The following SYNJ2 variants were observed in gnomAD, a reference collection of about 807,000 sequenced individuals.
SYNJ2 encodes polyphosphatidylinositol phosphatase SYNJ2.
In SYNJ2, 116 loss-of-function variants were observed where a neutral mutation model predicts 141.3. The observed-to-expected ratio is 0.82, with a 90% CI of 0.71 to 0.96. The LOEUF (loss-of-function observed/expected upper bound fraction) is 0.96. SYNJ2 is among the 40% of genes least tolerant of loss of function. The pLI, the probability that SYNJ2 is intolerant of heterozygous loss-of-function variation, is 0.00. For missense variants in SYNJ2, 1,873 were observed against 1,934.8 expected (o/e 0.97, Z 0.60); for synonymous variants, 745 against 777.7 (o/e 0.96, Z 0.70).
In SYNJ2 at chr6:158,028,865, G is replaced by C. The variant is rs1041654317; in HGVS notation, c.324G>C (p.Gln108His). ...CTGCCACTGACTTTTACCCTCTTCAGGAAGAGGCCAAGGAGGAGGAACGCC... is the reference window on the plus strand; with the variant it reads ...CTGCCACTGACTTTTACCCTCTTCACGAAGAGGCCAAGGAGGAGGAACGCC... ...KITATDFYPL[Q>H]EEAKEEERLI... The change falls in exon 3 of 27, where the codon CAG (glutamine) becomes CAC (histidine). Residue 108 changes from glutamine (Q) to histidine (H), a missense_variant. By Grantham distance (24) the Gln-to-His change is conservative. Coordinates refer to ENST00000355585, the MANE Select transcript of SYNJ2 (RefSeq NM_003898.4). 2.5e-6 allele frequency: 4 copies of C among 1,614,082 alleles called. No individual in the cohort carries two copies. The African/African-American group carries it at 5.3e-5, about 22-fold the overall frequency.
chr6:158,074,846 T>G (rs1782167405), intron 16 of SYNJ2, 108 bp downstream of exon 16: 1 of 1,324,712 alleles, frequency 7.5e-7, no homozygotes, highest in Non-Finnish European at 1.0e-6. Flanking sequence ...TGGATTTCAC[T>G]GTTTCCAACA....
chr6:158,062,088 A>G lies in SYNJ2; in HGVS notation c.1051A>G (p.Thr351Ala), dbSNP rs1781257050. 4 of 1,614,080 alleles carry G rather than the reference A, an allele frequency of 2.5e-6. No homozygotes were observed. Among genetic ancestry groups the G allele is most frequent in the South Asian group, 1.1e-5 (1 of 91,076 alleles). ...AGGTGGGAAGCTAGAGAAATTGGAG[A>G]CCCTCTTGAGGCCACAGTTAAAGCT... ...AKGGKLEKLE[T>A]LLRPQLKLHW... Residue 351 changes from threonine (T) to alanine (A), a missense_variant, in exon 8 of 27, where the codon ACC (threonine) becomes GCC (alanine). Physicochemically the swap from Thr to Ala is moderately conservative, Grantham distance 58 (BLOSUM62 0). Coordinates refer to ENST00000355585, the MANE Select transcript of SYNJ2 (RefSeq NM_003898.4).
intron 1 of SYNJ2, chr6:158,002,411 G>A (rs1777898063): frequency 6.6e-6 from 1 of 152,346 alleles, no homozygotes; most frequent in Non-Finnish European, 1.5e-5. Context: ...GCCCTGAGGT[G>A]GGAGGAGCCT....
intron 1 of SYNJ2, among the ~76,000 whole-genome samples, chr6:158,012,030 A>G (rs1388676367): frequency 6.6e-6 from 1 of 152,160 alleles, no homozygotes; most frequent in Non-Finnish European, 1.5e-5. Context: ...GGGGGAAGAC[A>G]TTTGGCAATG....
intron 1 of SYNJ2, among the ~76,000 whole-genome samples, chr6:158,003,794 G>A (rs1390277320): frequency 6.6e-6 from 1 of 152,010 alleles, no homozygotes; most frequent in African/African-American, 2.4e-5. Context: ...GCCTCGGGAT[G>A]GTCTGACCCA....
chr6:158,053,816 C>T (rs1780705676), intron 5 of SYNJ2, among the ~76,000 whole-genome samples: 1 of 149,972 alleles, frequency 6.7e-6, no homozygotes, highest in South Asian at 2.2e-4. Flanking sequence ...CATCTTTCAT[C>T]TACCCATTCA....
rs187235595 is a variant in SYNJ2, at chr6:158,096,940, A to T, written c.*576A>T. 16 of 153,482 alleles carry T rather than the reference A, an allele frequency of 1.0e-4. No individual in the cohort carries two copies. The highest frequency in any genetic ancestry group is 3.8e-4 in the African/African-American group (16 of 41,590). 9.5% of individuals were successfully genotyped at this position (153,482 alleles called of 1,614,324 possible). A position where few individuals can be genotyped will look rare whatever the true frequency, so the allele number is the denominator to read the frequency against. ...ACATTCCCATGAGCCTTCATGTTTA[A>T]GTGTGTACATGTGCGTTAACCTTGA... On this transcript the variant is annotated 3_prime_UTR_variant, in exon 27 of 27. Transcript: ENST00000355585.
Position 158,033,458 on chromosome 6 carries a change from C to T in SYNJ2, c.489C>T (p.Asn163=), listed in dbSNP as rs1779476867. Residue 163 remains asparagine, a synonymous_variant, in exon 4 of 27, where the codon AAC becomes AAT. Coordinates refer to ENST00000355585, the MANE Select transcript of SYNJ2 (RefSeq NM_003898.4). ...GGTGTGGGACTGTGTTTTGCAGGAA[C>T]CAGCTGTTGCACGTGCCCTTGAGGC... The part of the protein sequence containing the change: ...SSEWGNSFFW[N]QLLHVPLRQH... The T allele has an allele frequency of 3.1e-6, 5 of 1,613,922 alleles. No homozygotes were observed. The highest frequency in any genetic ancestry group is 1.3e-5 in the African/African-American group (1 of 75,070).
chr6:157,998,590 A>G (rs529890932), intron 1 of SYNJ2, among the ~76,000 whole-genome samples: 155 of 152,326 alleles, frequency 1.0e-3, no homozygotes, highest in Non-Finnish European at 2.0e-3. Context: ...TGAGAGTCCT[A>G]TGTTTTATCA....
At chr6:158,056,334 G>C (rs1259562258) in intron 6 of SYNJ2, among the ~76,000 whole-genome samples, 3 of 152,132 alleles carry the variant, frequency 2.0e-5, no homozygotes, top group African/African-American at 7.2e-5. Context: ...AGGCTGCCTT[G>C]CCCCTTGGAA....
In SYNJ2 at chr6:158,081,193, C is replaced by T; in HGVS notation, c.2652C>T (p.Phe884=). The part of the protein sequence containing the change: ...RERVFQEVSS[F]QGPLDATVVV... Reference sequence around the variant, plus strand: ...GGGTTTTCCAGGAAGTGTCCTCCTTCCAGGGCCCCCTGGATGCCACTGTTG... The same window carrying T: ...GGGTTTTCCAGGAAGTGTCCTCCTTTCAGGGCCCCCTGGATGCCACTGTTG... The change falls in exon 19 of 27, where the codon TTC becomes TTT. Residue 884 remains phenylalanine, a synonymous_variant. Transcript: ENST00000355585. The T allele has an allele frequency of 6.2e-7, 1 of 1,614,154 alleles. No individual in the cohort carries two copies. Among genetic ancestry groups the T allele is most frequent in the South Asian group, 1.1e-5 (1 of 91,088 alleles).
intron 7 of SYNJ2, among the ~76,000 whole-genome samples, chr6:158,060,395 C>T (rs1396672386): frequency 6.6e-6 from 1 of 152,176 alleles, no homozygotes; most frequent in Non-Finnish European, 1.5e-5. Context: ...CAAGGGGGCT[C>T]CTGGTTCCTT....
chr6:158,089,903 A>C lies in SYNJ2; in HGVS notation c.3521A>C (p.Gln1174Pro). ...NVKQIKTTNA[Q>P]EAEAAIRCLL... ...AAGCAGATCAAAACCACCAATGCCC[A>C]GGAGGCAGAAGCAGCAATCCGGTGT... The change falls in exon 25 of 27, where the codon CAG (glutamine) becomes CCG (proline). Residue 1174 changes from glutamine to proline, a missense_variant. Transcript: ENST00000355585. 1 of 1,614,198 alleles carries C rather than the reference A, an allele frequency of 6.2e-7. No homozygotes were observed.
At chr6:158,063,660 A>C (rs1454642048) in intron 8 of SYNJ2, 131 bp from the exon 9 acceptor site, 4 of 92,590 alleles carry the variant, frequency 4.3e-5, no homozygotes, top group Middle Eastern at 1.9e-3. Context: ...ACTCTGTCTC[A>C]AAAAAAAAAA....
In SYNJ2 at chr6:158,071,386, T is replaced by C. The variant is rs1027104579; in HGVS notation, c.1941-216T>C. ...TCAAGTGAGCACTTCCCAGTTGGGG[T>C]GTGGGGGAGATGTCCAGGCAGCGGT... is the stretch of plus-strand genomic sequence containing the variant. On this transcript the variant is annotated intron_variant, in intron 14 of 26. Transcript: ENST00000355585. The surrounding 1 kb of genome is among the most constrained non-coding windows in gnomAD (Gnocchi z 4.3). Among the ~76,000 whole-genome samples, 3 of 151,348 alleles carry C rather than the reference T, an allele frequency of 2.0e-5. No homozygotes were observed. Among genetic ancestry groups the C allele is most frequent in the Non-Finnish European group, 2.9e-5 (2 of 67,876 alleles).
intron 25 of SYNJ2, among the ~76,000 whole-genome samples, chr6:158,092,439 G>A (rs149487768): frequency 6.2e-4 from 94 of 152,222 alleles, no homozygotes; most frequent in African/African-American, 2.0e-3. Context: ...CCAGGAGTTC[G>A]AGACAAGTCT....
chr6:158,029,394 C>CAAAAAAAAAAAAAAA (rs59043421), intron 3 of SYNJ2: 1 of 92,618 alleles, frequency 1.1e-5, no homozygotes, highest in African/African-American at 3.8e-5. Flanking sequence ...ACTAAAAATA[C>CAAAAAAAAAAAAAAA]AAAAAAAAAA....
chr6:158,023,126 T>C (rs777834101), intron 2 of SYNJ2, among the ~76,000 whole-genome samples: 5 of 151,758 alleles, frequency 3.3e-5, no homozygotes, highest in Non-Finnish European at 7.4e-5. Flanking sequence ...GGAGCGGTGG[T>C]GCACGCCTGT....
rs1783899469 is a variant in SYNJ2 at position 158,098,473 on chromosome 6, A to T, written c.*2109A>T. ...TTATTTGATCGTGGCTGTCAAATTT[A>T]GTGAACAACATAGATTGGATTTGGA... is the stretch of plus-strand genomic sequence containing the variant. On this transcript the variant is annotated 3_prime_UTR_variant, in exon 27 of 27. Coordinates refer to ENST00000355585, the MANE Select transcript of SYNJ2 (RefSeq NM_003898.4). 6.6e-6 allele frequency: 1 copy of T among 152,020 alleles called. No homozygotes were observed. The highest frequency in any genetic ancestry group is 2.4e-5 in the African/African-American group (1 of 41,422). 9.4% of individuals were successfully genotyped at this position (152,020 alleles called of 1,614,324 possible).
Sources: allele counts gnomAD v4.1 joint callset (sites outside exome capture counted in the v4.1 genomes callset), GRCh38; gene constraint gnomAD v4.1.1; non-coding constraint Gnocchi (gnomAD v3.1); transcripts MANE v1.5; gene names NCBI Gene and HGNC (gene_info 2026-07-23, HGNC 2026-07-21).